GPC3: variants seen among roughly 807,000 people sequenced by gnomAD.
The protein encoded by GPC3 is glypican 3, also known as glypican-3.
In GPC3, 3 loss-of-function variants were observed where a neutral mutation model predicts 34.4. The observed-to-expected ratio is 0.09, with a 90% confidence interval of 0.04 to 0.23. The LOEUF (loss-of-function observed/expected upper bound fraction) is 0.23, where lower values mean the gene tolerates loss of function less well. Ranked by LOEUF, GPC3 falls within the 10% of genes least tolerant of loss-of-function variation. The pLI is 1.00. For missense variants in GPC3, 351 were observed against 445.6 expected (o/e 0.79, Z 1.91); for synonymous variants, 177 against 174.0 (o/e 1.02, Z -0.13).
intron 6 of GPC3, among the ~76,000 whole-genome samples, chrX:133,617,953 G>T: frequency 9.0e-6 from 1 of 111,476 alleles, no homozygotes; most frequent in East Asian, 2.8e-4. Flanking sequence ...TCATTTATGT[G>T]TGTGAACCGA....
chrX:133,827,530 C>T (rs1569441168), intron 2 of GPC3, among the ~76,000 whole-genome samples: 1 of 111,541 alleles, frequency 9.0e-6, no homozygotes. Context: ...CACCTGTATT[C>T]CCAGCACTTT....
intron 2 of GPC3, among the ~76,000 whole-genome samples, chrX:133,850,192 TTG>T (rs903413907): frequency 8.6e-5 from 8 of 92,505 alleles, no homozygotes; most frequent in African/African-American, 1.5e-4. Context: ...TTTTTGGGTT[TTG>T]TTTTTTTTTT....
intron 7 of GPC3, among the ~76,000 whole-genome samples, chrX:133,553,720 C>T (rs1361064372): frequency 8.9e-6 from 1 of 111,767 alleles, no homozygotes; most frequent in African/African-American, 3.2e-5. Flanking sequence ...AACTAAATTT[C>T]AATGGATTCT....
chrX:133,905,579 C>A (rs2076164336), intron 2 of GPC3, among the ~76,000 whole-genome samples: 1 of 112,238 alleles, frequency 8.9e-6, no homozygotes, highest in Admixed American at 9.5e-5. Flanking sequence ...TCAACTGAAT[C>A]TGCAGAACAC....
intron 2 of GPC3, among the ~76,000 whole-genome samples, chrX:133,878,879 T>C (rs2076029055): frequency 8.9e-6 from 1 of 111,919 alleles, no homozygotes; most frequent in Non-Finnish European, 1.9e-5. Context: ...ACGCAGCACA[T>C]GTATCTATCT....
At chrX:133,955,853 T>G (rs1379157163) in intron 1 of GPC3, among the ~76,000 whole-genome samples, 2 of 112,093 alleles carry the variant, frequency 1.8e-5, no homozygotes, top group Non-Finnish European at 3.8e-5. Context: ...AATAATTGGA[T>G]GTTTTATTTT....
At chrX:133,773,775 G>A (rs1274801550) in intron 2 of GPC3, among the ~76,000 whole-genome samples, 1 of 111,470 alleles carries the variant, frequency 9.0e-6, no homozygotes, top group Non-Finnish European at 1.9e-5. Flanking sequence ...CTGCTTTGAT[G>A]AGTAATTCAG....
chrX:133,593,717 C>A (rs1306711091), intron 7 of GPC3, among the ~76,000 whole-genome samples: 1 of 111,378 alleles, frequency 9.0e-6, no homozygotes, highest in Non-Finnish European at 1.9e-5. Context: ...GCTCTCAATA[C>A]TCCTGCCTGA....
chrX:133,928,545 T>G (rs953089305), intron 2 of GPC3, among the ~76,000 whole-genome samples: 1 of 111,715 alleles, frequency 9.0e-6, no homozygotes, highest in Non-Finnish European at 1.9e-5. Context: ...AATCTACATT[T>G]CCATCAGCAG....
At chrX:133,568,015 C>T (rs1477663149) in intron 7 of GPC3, among the ~76,000 whole-genome samples, 1 of 112,268 alleles carries the variant, frequency 8.9e-6, no homozygotes, top group Middle Eastern at 4.2e-3. Flanking sequence ...AATGCAAAAT[C>T]TGAATGGATT....
intron 3 of GPC3, among the ~76,000 whole-genome samples, chrX:133,704,684 C>T (rs956783859): frequency 1.6e-4 from 18 of 110,149 alleles, no homozygotes; most frequent in African/African-American, 3.9e-4. Flanking sequence ...GACGGTCTTA[C>T]GACATACTTT....
intron 2 of GPC3, among the ~76,000 whole-genome samples, chrX:133,802,610 C>G (rs2075615386): frequency 8.9e-6 from 1 of 112,295 alleles, no homozygotes; most frequent in Admixed American, 9.4e-5. Flanking sequence ...CTTGTCCTAC[C>G]CTCCGTATCT....
intron 2 of GPC3, among the ~76,000 whole-genome samples, chrX:133,952,508 G>A (rs933009368): frequency 9.8e-5 from 11 of 111,916 alleles, no homozygotes; most frequent in African/African-American, 2.3e-4. Flanking sequence ...TTTCCTACCC[G>A]TTCTGGCAAT....
intron 1 of GPC3, among the ~76,000 whole-genome samples, chrX:133,965,939 A>C (rs976725093): frequency 9.0e-6 from 1 of 111,312 alleles, no homozygotes; most frequent in Non-Finnish European, 1.9e-5. Context: ...GTACTGGAGA[A>C]GTGTTAAAAA....
chrX:133,934,161 G>A (rs1182489050), intron 2 of GPC3, among the ~76,000 whole-genome samples: 3 of 108,868 alleles, frequency 2.8e-5, no homozygotes, highest in Non-Finnish European at 3.8e-5. Context: ...ACTGAGCCCA[G>A]CCTAAACCTC....
Position 133,763,231 on chromosome X carries a change from G to A in GPC3, c.338-9055C>T. ...ATCTTATGTTAATCTTCCCACCATT[G>A]CTCTGTGTCACACAGATTCTCCTCT... is the stretch of plus-strand genomic sequence containing the variant. On this transcript the variant is annotated intron_variant, in intron 2 of 7. Coordinates refer to ENST00000370818, the MANE Select transcript of GPC3 (RefSeq NM_004484.4). 3 of 569,267 alleles carry A rather than the reference G, an allele frequency of 5.3e-6. No individual in the cohort carries two copies. The Admixed American group carries it at 6.7e-5, about 13-fold the overall frequency. The allele number at this position is 569,267 out of a possible 1,213,427, so 46.9% of individuals were successfully genotyped here. A position where few individuals can be genotyped will look rare whatever the true frequency, so the allele number is the denominator to read the frequency against.
At chrX:133,776,918 C>T (rs779903734) in intron 2 of GPC3, among the ~76,000 whole-genome samples, 3 of 85,412 alleles carry the variant, frequency 3.5e-5, no homozygotes, top group African/African-American at 1.3e-4. Flanking sequence ...CTTACACTGT[C>T]GCCCGCGCTG....
Position 133,753,595 on chromosome X carries a change from C to T in GPC3, c.919G>A (p.Val307Met). Reference protein sequence around the residue: ...REYILSLEELVNGMYRIYDME... With the variant: ...REYILSLEELMNGMYRIYDME... ...TCATAGATTCTGTACATGCCATTCA[C>T]AAGTTCTTCAAGGGACAGAATGTAT... Residue 307 changes from valine to methionine, a missense_variant, in exon 3 of 8, where the codon GTG becomes ATG. Physicochemically the swap from Val to Met is conservative, Grantham distance 21 (BLOSUM62 1). Coordinates refer to ENST00000370818, the MANE Select transcript of GPC3 (RefSeq NM_004484.4). The T allele has an allele frequency of 8.3e-7, 1 of 1,207,770 alleles. No individual in the cohort carries two copies. Among genetic ancestry groups the T allele is most frequent in the Non-Finnish European group, 1.1e-6 (1 of 891,783 alleles).
At chrX:133,625,776 G>C (rs1244731704) in intron 6 of GPC3, among the ~76,000 whole-genome samples, 1 of 111,804 alleles carries the variant, frequency 8.9e-6, no homozygotes, top group Non-Finnish European at 1.9e-5. Context: ...TCCCCATCAA[G>C]CTACCAATGA....
Sources: gnomAD v4.1 joint callset for allele counts (sites outside exome capture counted in the v4.1 genomes callset) on GRCh38, gnomAD v4.1.1 for gene constraint, MANE v1.5 for transcripts, NCBI Gene and HGNC (gene_info 2026-07-23, HGNC 2026-07-21) for gene names.